The following SLC39A13 variants were observed in gnomAD, a reference collection of about 807,000 sequenced individuals.
SLC39A13 encodes the protein zinc transporter ZIP13.
In SLC39A13, 18 loss-of-function variants were observed where a neutral mutation model predicts 38.7. The ratio of observed to expected loss-of-function variants is 0.47; its 90% confidence interval spans 0.32 to 0.69. The LOEUF is 0.69. SLC39A13 is among the 30% of genes least tolerant of loss of function. The pLI is 0.03. For missense variants in SLC39A13, 395 were observed against 490.7 expected, an observed-to-expected ratio of 0.80 and a Z score of 1.84; for synonymous variants, 212 against 219.1, an observed-to-expected ratio of 0.97 and a Z score of 0.29.
intron 2 of SLC39A13, among the ~76,000 whole-genome samples, 184 bp downstream of exon 2, chr11:47,410,579 CTATGAGCA>C (rs2095993871): frequency 6.6e-6 from 1 of 152,098 alleles, no homozygotes; most frequent in Non-Finnish European, 1.5e-5. Flanking sequence ...CCCCAGGAAG[CTATGAGCA>C]CCTGGTAGCA....
At chr11:47,408,939 G>C (rs1224180714) in intron 1 of SLC39A13, 4 of 152,870 alleles carry the variant, frequency 2.6e-5, no homozygotes, top group African/African-American at 9.7e-5. Context: ...CCGCTAGCCT[G>C]TGGTCCCCTC....
chr11:47,411,727 C>T (rs1219277340), intron 2 of SLC39A13, among the ~76,000 whole-genome samples, 199 bp from the exon 3 acceptor site: 1 of 152,280 alleles, frequency 6.6e-6, no homozygotes, highest in Non-Finnish European at 1.5e-5. Context: ...CCTGTCAGCT[C>T]TTCACCATGA....
upstream of SLC39A13, chr11:47,408,556 CCGGGGGCCGGGCGGCCGGGCGGCCGGG>C (rs1464038267): frequency 1.4e-5 from 2 of 145,912 alleles, no homozygotes; most frequent in Admixed American, 1.4e-4. Context: ...CGGCCCCGGG[CCGGGGGCCGGGCGGCCGGGCGGCCGGG>C]CGGGGCAGAG....
intron 4 of SLC39A13, among the ~76,000 whole-genome samples, chr11:47,412,950 C>T (rs766365079): frequency 1.7e-4 from 26 of 150,966 alleles, no homozygotes; most frequent in Admixed American, 3.3e-4. Flanking sequence ...TTAGTGGAGA[C>T]GGGGTTTCAC....
chr11:47,412,267 G>A, intron 3 of SLC39A13, 79 bp from the exon 4 acceptor site: 2 of 1,538,716 alleles, frequency 1.3e-6, no homozygotes, highest in South Asian at 1.2e-5. Flanking sequence ...CCCTGGATGA[G>A]ATCCCATTCC....
chr11:47,408,560 G>GC (rs1565657637), upstream of SLC39A13: 4 of 146,292 alleles, frequency 2.7e-5, no homozygotes, highest in African/African-American at 9.8e-5. Context: ...CCCGGGCCGG[G>GC]GGCCGGGCGG....
At chr11:47,414,362 G>A in intron 6 of SLC39A13, 63 bp from the exon 7 acceptor site, 2 of 1,551,584 alleles carry the variant, frequency 1.3e-6, no homozygotes, top group Non-Finnish European at 8.8e-7. Flanking sequence ...TGTGGAATGA[G>A]TGGGCGAGTG....
intron 2 of SLC39A13, among the ~76,000 whole-genome samples, chr11:47,411,310 T>C (rs932143066): frequency 1.3e-5 from 2 of 152,186 alleles, no homozygotes; most frequent in Non-Finnish European, 2.9e-5. Context: ...CATATTGTCA[T>C]TTAATTCCCA....
chr11:47,410,501 G>C (rs1418169846), intron 2 of SLC39A13, 106 bp downstream of exon 2: 1 of 1,407,618 alleles, frequency 7.1e-7, no homozygotes, highest in Non-Finnish European at 9.9e-7. Flanking sequence ...TGGAGGGAGA[G>C]GATAGAATAG....
chr11:47,410,548 A>G (rs1565661022), intron 2 of SLC39A13, among the ~76,000 whole-genome samples, 153 bp downstream of exon 2: 1 of 152,068 alleles, frequency 6.6e-6, no homozygotes, highest in Non-Finnish European at 1.5e-5. Context: ...CTATCTAGCC[A>G]GGGGCGGCTG....
intron 4 of SLC39A13, 22 bp downstream of exon 4, chr11:47,412,489 C>T: frequency 6.2e-7 from 1 of 1,613,996 alleles, no homozygotes; most frequent in Non-Finnish European, 8.5e-7. Flanking sequence ...ACTCAAGGGC[C>T]TGGATATATC....
intron 2 of SLC39A13, among the ~76,000 whole-genome samples, chr11:47,410,953 G>A (rs549127655): frequency 9.6e-4 from 146 of 152,330 alleles, no homozygotes; most frequent in African/African-American, 3.4e-3. Context: ...TTGGGCCATG[G>A]TCAGGCCTGT....
rs1462323892 is a variant in SLC39A13 at position 47,412,046 on chromosome 11, G to C, written c.415+7G>C. The C allele has an allele frequency of 6.2e-7, 1 of 1,603,426 alleles. No homozygotes were observed. The highest frequency in any genetic ancestry group is 8.5e-7 in the Non-Finnish European group (1 of 1,175,310). On this transcript the variant is annotated splice_region_variant and intron_variant, in intron 3 of 9. Coordinates refer to ENST00000362021, the MANE Select transcript of SLC39A13 (RefSeq NM_001128225.3). ...ACGTGCAGCGCCAGCCCTGGTAAGT[G>C]AGGCCACACGCCAGGGGCAAGACAG...
intron 2 of SLC39A13, 92 bp downstream of exon 2, chr11:47,410,487 G>A: frequency 1.4e-6 from 2 of 1,447,678 alleles, no homozygotes; most frequent in South Asian, 1.1e-5. Context: ...CAGAGTGTCT[G>A]AGATGGAGGG....
intron 3 of SLC39A13, 107 bp downstream of exon 3, chr11:47,412,146 C>A: frequency 7.4e-7 from 1 of 1,349,896 alleles, no homozygotes. Flanking sequence ...GGGTTTCTGG[C>A]AGGAGCTTGC....
chr11:47,412,281 T>C, intron 3 of SLC39A13, 65 bp from the exon 4 acceptor site: 3 of 1,560,936 alleles, frequency 1.9e-6, no homozygotes, highest in Non-Finnish European at 2.6e-6. Flanking sequence ...CCATTCCAAA[T>C]GGCCCCCTCC....
At chr11:47,413,752 T>C (rs1221864787) in intron 6 of SLC39A13, 66 bp downstream of exon 6, 1 of 1,533,576 alleles carries the variant, frequency 6.5e-7, no homozygotes, top group South Asian at 1.2e-5. Context: ...TCCACCTGTG[T>C]CTGGAGTCTC....
rs768982611 is a variant in SLC39A13 at position 47,413,489 on chromosome 11, C to T, written c.627C>T (p.Ala209=). The T allele has an allele frequency of 8.1e-6, 13 of 1,613,938 alleles. No individual in the cohort carries two copies. The highest frequency in any genetic ancestry group is 6.7e-5 in the East Asian group (3 of 44,892). The change falls in exon 5 of 10, where the codon GCC becomes GCT. Residue 209 remains alanine (A), a synonymous_variant. Transcript: ENST00000362021. The part of the protein sequence containing the change: ...AQPAAEPGLG[A]VVRSIKVSGY... ...CGGCTGCAGAGCCCGGCCTCGGTGC[C>T]GTGGTCCGGAGCATCAAAGTGAGTG...
At chr11:47,411,618 A>G (rs1205900488) in intron 2 of SLC39A13, among the ~76,000 whole-genome samples, 1 of 152,212 alleles carries the variant, frequency 6.6e-6, no homozygotes, top group Non-Finnish European at 1.5e-5. Flanking sequence ...ACAAAACAAG[A>G]TAAAATAATA....
Sources: gnomAD v4.1 joint callset for allele counts (sites outside exome capture counted in the v4.1 genomes callset) on GRCh38, gnomAD v4.1.1 for gene constraint, MANE v1.5 for transcripts, NCBI Gene and HGNC (gene_info 2026-07-23, HGNC 2026-07-21) for gene names.